SIPA1L3: variants seen among roughly 807,000 people sequenced by gnomAD.
The protein encoded by SIPA1L3 is signal-induced proliferation-associated 1-like protein 3.
Under a neutral mutation model 150.1 loss-of-function variants are expected in SIPA1L3, and 59 were observed. The observed-to-expected ratio is 0.39, with a 90% CI of 0.32 to 0.49. SIPA1L3 has a LOEUF of 0.49. Among genes scored for constraint, SIPA1L3 ranks in the 20% least tolerant of loss-of-function variants. The pLI, the probability that SIPA1L3 is intolerant of heterozygous loss-of-function variation, is 0.86. For synonymous variants in SIPA1L3, 1,070 were observed against 1,077.6 expected (o/e 0.99, Z 0.14); for missense variants, 2,211 against 2,489.5 (o/e 0.89, Z 2.38).
chr19:37,934,132 G>A (rs573038645), intron 1 of SIPA1L3, among the ~76,000 whole-genome samples: 47 of 152,232 alleles, frequency 3.1e-4, no homozygotes, highest in African/African-American at 1.1e-3. Context: ...CTATTTTCTA[G>A]CTCCCGGTGT....
chr19:38,124,094 C>T (rs1290578611), intron 9 of SIPA1L3, among the ~76,000 whole-genome samples: 6 of 143,904 alleles, frequency 4.2e-5, no homozygotes, highest in East Asian at 2.2e-4. Flanking sequence ...GCTGGCCGGG[C>T]GGGGGGCTGA....
At chr19:38,037,700 C>A (rs1480317348) in intron 2 of SIPA1L3, among the ~76,000 whole-genome samples, 1 of 152,078 alleles carries the variant, frequency 6.6e-6, no homozygotes, top group Non-Finnish European at 1.5e-5. Context: ...GTGAACCAGG[C>A]AGATACATAG....
At chr19:37,920,370 A>G (rs2046448536) in intron 1 of SIPA1L3, among the ~76,000 whole-genome samples, 1 of 152,150 alleles carries the variant, frequency 6.6e-6, no homozygotes, top group Non-Finnish European at 1.5e-5. Flanking sequence ...AAAAGTCCTT[A>G]TCTATAAGAT....
chr19:37,938,691 T>C (rs2046624575), intron 1 of SIPA1L3, among the ~76,000 whole-genome samples: 1 of 151,630 alleles, frequency 6.6e-6, no homozygotes. Flanking sequence ...TGGTGTGATT[T>C]TGATTCACTG....
At chr19:37,911,482 C>A (rs938712140) in intron 1 of SIPA1L3, among the ~76,000 whole-genome samples, 1 of 151,852 alleles carries the variant, frequency 6.6e-6, no homozygotes, top group Non-Finnish European at 1.5e-5. Context: ...TCCCCCACTG[C>A]TGGTCCTTTA....
Position 38,141,407 on chromosome 19 carries a change from C to A in SIPA1L3, c.3367C>A (p.Arg1123=). The A allele has an allele frequency of 6.2e-7, 1 of 1,611,760 alleles. No individual in the cohort carries two copies. The highest frequency in any genetic ancestry group is 8.5e-7 in the Non-Finnish European group (1 of 1,179,924). ...GAAGCAGACCCCCATAGTCCCCTTC[C>A]GGGAGTCCCAGCCACTGCACAGCAA... is the stretch of plus-strand genomic sequence containing the variant. ...PLKQTPIVPF[R]ESQPLHSKRP... The change falls in exon 11 of 22, where the codon CGG becomes AGG. Residue 1123 remains arginine, a synonymous_variant. Transcript: ENST00000222345.
intron 2 of SIPA1L3, among the ~76,000 whole-genome samples, chr19:38,032,810 G>A (rs974760390): frequency 7.3e-5 from 11 of 150,936 alleles, no homozygotes; most frequent in South Asian, 6.3e-4. Context: ...CTGAGGTTGC[G>A]CCACTGCACT....
At chr19:38,118,603 G>C (rs2145893228) in intron 8 of SIPA1L3, among the ~76,000 whole-genome samples, 1 of 151,586 alleles carries the variant, frequency 6.6e-6, no homozygotes, top group Middle Eastern at 3.4e-3. Context: ...GCGCCATCTT[G>C]GCTCACTGCA....
Position 38,202,358 on chromosome 19 carries a change from TG to T in SIPA1L3, c.5120+364del, listed in dbSNP as rs562456397. On this transcript the variant is annotated intron_variant, in intron 20 of 21. Transcript: ENST00000222345. ...AACCCAGCACTTTGGGAGGCCAAGG[TG>T]GGTGGATCACTTGAGGTCAGGAGTT... Among the ~76,000 whole-genome samples, 125 of 152,028 alleles carry T rather than the reference TG, an allele frequency of 8.2e-4. 3 individuals carry two copies. In the South Asian group the frequency reaches 0.025, roughly 31 times the overall value.
At chr19:38,176,077 G>A (rs1972429163) in intron 15 of SIPA1L3, among the ~76,000 whole-genome samples, 1 of 152,140 alleles carries the variant, frequency 6.6e-6, no homozygotes, top group Admixed American at 6.6e-5. Flanking sequence ...CATAATGGTG[G>A]GTACCTGTAA....
chr19:38,142,778 A>G, intron 12 of SIPA1L3, 68 bp downstream of exon 12: 2 of 1,526,924 alleles, frequency 1.3e-6, no homozygotes, highest in Non-Finnish European at 1.8e-6. Context: ...CTTCCCCAGC[A>G]AATGCACACC....
intron 9 of SIPA1L3, among the ~76,000 whole-genome samples, chr19:38,129,965 G>T (rs1164330254): frequency 6.6e-6 from 1 of 152,146 alleles, no homozygotes; most frequent in Non-Finnish European, 1.5e-5. Context: ...TACTCAGGAG[G>T]CTGAGGCAGG....
At chr19:37,935,370 C>A (rs1224306587) in intron 1 of SIPA1L3, among the ~76,000 whole-genome samples, 2 of 152,090 alleles carry the variant, frequency 1.3e-5, no homozygotes, top group African/African-American at 4.8e-5. Flanking sequence ...TTGTGTGTTT[C>A]TTTTTCAGGT....
intron 1 of SIPA1L3, among the ~76,000 whole-genome samples, chr19:37,925,532 G>A (rs1471825800): frequency 6.6e-6 from 1 of 151,918 alleles, no homozygotes; most frequent in African/African-American, 2.4e-5. Context: ...GTCCTGCACA[G>A]GTTTGTCTTT....
chr19:38,119,307 A>G lies in SIPA1L3; in HGVS notation c.2293A>G (p.Met765Val). The change falls in exon 9 of 22, where the codon ATG (methionine) becomes GTG (valine). Residue 765 changes from methionine (M) to valine (V), a missense_variant and splice_region_variant. Met to Val is a conservative substitution (Grantham distance 21). Coordinates refer to ENST00000222345, the MANE Select transcript of SIPA1L3 (RefSeq NM_015073.3). Reference protein sequence around the residue: ...NPCTDNVCYSMAVTRSKDAPP... With the variant: ...NPCTDNVCYSVAVTRSKDAPP... Reference sequence around the variant, plus strand: ...TCTAAATAATCTCTCCCTCCACAGTATGGCTGTGACCCGATCCAAAGACGC... The same window carrying G: ...TCTAAATAATCTCTCCCTCCACAGTGTGGCTGTGACCCGATCCAAAGACGC... 1 of 1,612,932 alleles carries G rather than the reference A, an allele frequency of 6.2e-7. No homozygotes were observed.
chr19:38,202,914 T>C (rs1973121478), intron 20 of SIPA1L3, among the ~76,000 whole-genome samples: 1 of 152,212 alleles, frequency 6.6e-6, no homozygotes, highest in Non-Finnish European at 1.5e-5. Flanking sequence ...CAGCGCAGCA[T>C]ATTTGACTGC....
chr19:37,947,009 C>T (rs1483641647), intron 1 of SIPA1L3, among the ~76,000 whole-genome samples: 1 of 152,026 alleles, frequency 6.6e-6, no homozygotes, highest in Non-Finnish European at 1.5e-5. Context: ...GCCTTGGCAA[C>T]ATAGTGAGAC....
chr19:38,114,855 G>C (rs543824234), intron 8 of SIPA1L3, among the ~76,000 whole-genome samples: 1 of 152,304 alleles, frequency 6.6e-6, no homozygotes, highest in East Asian at 1.9e-4. Flanking sequence ...GATCGGCCGG[G>C]GTCGCGCAGT....
chr19:38,097,038 G>A (rs1195106999), intron 4 of SIPA1L3, among the ~76,000 whole-genome samples: 6 of 152,278 alleles, frequency 3.9e-5, no homozygotes, highest in East Asian at 1.9e-4. Flanking sequence ...AGAGAAAGAA[G>A]CTAGATAACA....
Sources: gnomAD v4.1 joint callset for allele counts (sites outside exome capture counted in the v4.1 genomes callset) on GRCh38, gnomAD v4.1.1 for gene constraint, MANE v1.5 for transcripts, NCBI Gene and HGNC (gene_info 2026-07-23, HGNC 2026-07-21) for gene names.